CEP83: variants seen among roughly 807,000 people sequenced by gnomAD.
The protein encoded by CEP83 is centrosomal protein 83.
Under a neutral mutation model 101.9 loss-of-function variants are expected in CEP83, and 70 were observed. That is an observed-to-expected ratio of 0.69 (90% CI 0.57 to 0.84). The LOEUF (loss-of-function observed/expected upper bound fraction) is 0.84, where lower values mean the gene tolerates loss of function less well. Among genes scored for constraint, CEP83 ranks in the 40% least tolerant of loss-of-function variants. The pLI is 0.00. For synonymous variants in CEP83, 264 were observed against 267.9 expected (o/e 0.99, Z 0.14); for missense variants, 715 against 787.2 (o/e 0.91, Z 1.10).
the CEP83 span, chr12:94,298,490 A>C: frequency 7.1e-6 from 5 of 705,308 alleles, no homozygotes; most frequent in Non-Finnish European, 1.1e-5. Context: ...CACATTTGAC[A>C]ATTTTACATT....
chr12:94,326,580 G>C lies in CEP83; in HGVS notation c.1707+5120C>G, dbSNP rs554094501. The stretch of plus-strand genomic sequence containing the variant: ...TGCTGGTATTGGAAAACACCCTAGA[G>C]TAACCTTATTTGGAAATAGGGTCTA... On this transcript the variant is annotated intron_variant, in intron 14 of 16. Transcript: ENST00000397809. Among the ~76,000 whole-genome samples the C allele has an allele frequency of 2.6e-5, 4 of 152,302 alleles. No individual in the cohort carries two copies. In the East Asian group the frequency reaches 7.7e-4, roughly 29 times the overall value.
chr12:94,362,639 A>G (rs1593422571), intron 11 of CEP83, among the ~76,000 whole-genome samples: 1 of 152,226 alleles, frequency 6.6e-6, no homozygotes, highest in Admixed American at 6.5e-5. Flanking sequence ...CCTGTCTCAA[A>G]AAAAACTGAA....
chr12:94,354,790 T>A (rs1404561158), intron 11 of CEP83, among the ~76,000 whole-genome samples: 3 of 151,996 alleles, frequency 2.0e-5, no homozygotes, highest in Non-Finnish European at 4.4e-5. Flanking sequence ...GGCAGGAGGA[T>A]CACAAGGTCA....
At chr12:94,297,892 G>GA in the CEP83 span, among the ~76,000 whole-genome samples, 2 of 152,190 alleles carry the variant, frequency 1.3e-5, no homozygotes, top group Non-Finnish European at 2.9e-5. Flanking sequence ...TGTCAGATGT[G>GA]AAAGCCGGTG....
At chr12:94,333,747 C>G (rs1319828817) in intron 12 of CEP83, 108 bp from the exon 13 acceptor site, 2 of 1,004,456 alleles carry the variant, frequency 2.0e-6, no homozygotes, top group Non-Finnish European at 2.9e-6. Flanking sequence ...CTCCCTCAAG[C>G]TGGTGTGTCC....
At chr12:94,398,136 A>G (rs894973710) in intron 6 of CEP83, among the ~76,000 whole-genome samples, 9 of 152,228 alleles carry the variant, frequency 5.9e-5, no homozygotes, top group Non-Finnish European at 8.8e-5. Context: ...GACTTAGCAT[A>G]TGTATGGTCT....
chr12:94,342,013 G>A (rs1007040447), intron 11 of CEP83, among the ~76,000 whole-genome samples: 1 of 152,144 alleles, frequency 6.6e-6, no homozygotes, highest in South Asian at 2.1e-4. Context: ...ATTTAAAAAC[G>A]ACCTGTCTTG....
chr12:94,357,668 T>C (rs1255216602), intron 11 of CEP83, among the ~76,000 whole-genome samples: 2 of 152,218 alleles, frequency 1.3e-5, no homozygotes, highest in Non-Finnish European at 2.9e-5. Flanking sequence ...GGGGAACCCC[T>C]GCAAAAGGTC....
At chr12:94,389,127 A>G (rs1158186235) in intron 6 of CEP83, among the ~76,000 whole-genome samples, 1 of 152,204 alleles carries the variant, frequency 6.6e-6, no homozygotes, top group African/African-American at 2.4e-5. Flanking sequence ...ACTTTGTCTT[A>G]AAAAAGAAAG....
chr12:94,392,426 G>A lies in CEP83; in HGVS notation c.549+8424C>T, dbSNP rs557962181. On this transcript the variant is annotated intron_variant, in intron 6 of 16. Transcript: ENST00000397809. Reference sequence around the variant, plus strand: ...ACGAAATGAAGGCAGAAATAAAGATGTTCTTTGAAACCAATGAGAAGAAAG... The same window carrying A: ...ACGAAATGAAGGCAGAAATAAAGATATTCTTTGAAACCAATGAGAAGAAAG... 1.7e-3 allele frequency among the ~76,000 whole-genome samples: 259 copies of A among 152,286 alleles called. 2 individuals are homozygous for A. The highest frequency in any genetic ancestry group is 1.0e-2 in the South Asian group (48 of 4,824).
In CEP83 at chr12:94,411,723, T is replaced by G; in HGVS notation, c.298A>C (p.Lys100Gln). 1 of 1,603,242 alleles carries G rather than the reference T, an allele frequency of 6.2e-7. No individual in the cohort carries two copies. The highest frequency in any genetic ancestry group is 2.2e-5 in the East Asian group (1 of 44,734). ...ELRGELVEKT[K>Q]DLEEMKLQIL... is the part of the protein sequence containing the mutation. ...TGCAGTTTCATTTCTTCTAAATCTT[T>G]AGTTTTCTCTACTAATTCTCCTCTT... Residue 100 changes from lysine (K) to glutamine (Q), a missense_variant, in exon 4 of 17, where the codon AAA becomes CAA. Physicochemically the swap from Lys to Gln is moderately conservative, Grantham distance 53. Transcript: ENST00000397809.
chr12:94,271,388 C>CTTGA, the CEP83 span, among the ~76,000 whole-genome samples: 1 of 152,226 alleles, frequency 6.6e-6, no homozygotes, highest in African/African-American at 2.4e-5. Context: ...TTCCCCTGCC[C>CTTGA]TTGATTCATC....
downstream of CEP83, chr12:94,304,263 A>T: frequency 2.3e-6 from 1 of 430,838 alleles, no homozygotes; most frequent in Non-Finnish European, 4.2e-6. Context: ...CATTTGGACC[A>T]GCCTGAATTT....
intron 6 of CEP83, among the ~76,000 whole-genome samples, chr12:94,383,698 C>CTTT (rs1345986638): frequency 6.6e-6 from 1 of 151,942 alleles, no homozygotes; most frequent in African/African-American, 2.4e-5. Context: ...TCTCTGTTTT[C>CTTT]TTTTTCTTGC....
the CEP83 span, among the ~76,000 whole-genome samples, chr12:94,290,295 G>C: frequency 6.6e-6 from 1 of 152,234 alleles, no homozygotes; most frequent in Non-Finnish European, 1.5e-5. Context: ...CTCGGTGTCT[G>C]AGTATTGCTA....
At chr12:94,441,389 G>T (rs1346793702) in intron 1 of CEP83, among the ~76,000 whole-genome samples, 1 of 152,102 alleles carries the variant, frequency 6.6e-6, no homozygotes, top group South Asian at 2.1e-4. Context: ...ATTCTCAAAA[G>T]ATATACAAAT....
At chr12:94,417,699 G>C (rs1280209863) in intron 2 of CEP83, among the ~76,000 whole-genome samples, 1 of 152,098 alleles carries the variant, frequency 6.6e-6, no homozygotes, top group African/African-American at 2.4e-5. Context: ...TGAGGCAGGA[G>C]AACGCTTGAA....
chr12:94,277,867 G>T, the CEP83 span: 1 of 447,340 alleles, frequency 2.2e-6, no homozygotes, highest in South Asian at 1.6e-5. Context: ...AACAATGCTA[G>T]AAGGCCGGTA....
chr12:94,400,830 T>A lies in CEP83; in HGVS notation c.549+20A>T. 7.3e-7 allele frequency: 1 copy of A among 1,367,976 alleles called. No individual in the cohort carries two copies. Among genetic ancestry groups the A allele is most frequent in the Non-Finnish European group, 9.6e-7 (1 of 1,045,916 alleles). 84.7% of individuals were successfully genotyped at this position (1,367,976 alleles called of 1,614,324 possible). On this transcript the variant is annotated intron_variant, in intron 6 of 16. Coordinates refer to ENST00000397809, the MANE Select transcript of CEP83 (RefSeq NM_016122.3). ...TTGACCAGAACAATAACAAAGAAAC[T>A]CGTATAATCAATCACTTACCTCTGA...
Sources: gnomAD v4.1 joint callset for allele counts (sites outside exome capture counted in the v4.1 genomes callset) on GRCh38, gnomAD v4.1.1 for gene constraint, MANE v1.5 for transcripts, NCBI Gene and HGNC (gene_info 2026-07-23, HGNC 2026-07-21) for gene names.